CCNB3: variants seen among roughly 807,000 people sequenced by gnomAD.
CCNB3 encodes the protein cyclin B3.
CCNB3 carries 12 observed loss-of-function variants against 68.0 expected under a neutral mutation model. The ratio of observed to expected loss-of-function variants is 0.18; its 90% CI spans 0.11 to 0.29. The LOEUF is 0.29. Ranked by LOEUF, CCNB3 falls within the 10% of genes least tolerant of loss-of-function variation. CCNB3 has a pLI of 1.00. For synonymous variants in CCNB3, 354 were observed against 388.9 expected (o/e 0.91, Z 1.06); for missense variants, 904 against 993.1 (o/e 0.91, Z 1.21).
intron 8 of CCNB3, among the ~76,000 whole-genome samples, chrX:50,324,451 TCTCA>T (rs1364271311): frequency 1.8e-5 from 2 of 112,353 alleles, no homozygotes; most frequent in African/African-American, 3.2e-5. Flanking sequence ...TGATTTCTTT[TCTCA>T]CTCATTGCGT....
At chrX:50,220,278 GC>G (rs1456824418) in intron 1 of CCNB3, among the ~76,000 whole-genome samples, 1 of 111,239 alleles carries the variant, frequency 9.0e-6, no homozygotes, top group African/African-American at 3.3e-5. Context: ...TTGCCTGATT[GC>G]CCTGGCCAGA....
intron 1 of CCNB3, among the ~76,000 whole-genome samples, chrX:50,280,165 T>G (rs1324906616): frequency 1.1e-5 from 1 of 91,953 alleles, no homozygotes; most frequent in Non-Finnish European, 2.0e-5. Context: ...TATATAAATA[T>G]ATATAGAATA....
intron 1 of CCNB3, among the ~76,000 whole-genome samples, chrX:50,213,948 T>C (rs1391210063): frequency 1.8e-5 from 2 of 111,797 alleles, no homozygotes; most frequent in Non-Finnish European, 3.8e-5. Context: ...GACGAACTTG[T>C]TCATATATAA....
intron 5 of CCNB3, among the ~76,000 whole-genome samples, chrX:50,298,980 C>A (rs375771616): frequency 9.0e-6 from 1 of 111,392 alleles, no homozygotes; most frequent in African/African-American, 3.3e-5. Flanking sequence ...GTGGTGATAT[C>A]CCCTTTGTCA....
chrX:50,312,726 T>C, intron 7 of CCNB3, 94 bp downstream of exon 7: 1 of 554,834 alleles, frequency 1.8e-6, no homozygotes, highest in Non-Finnish European at 3.0e-6. Flanking sequence ...GTGGTAATAA[T>C]GATGATAAAA....
intron 8 of CCNB3, among the ~76,000 whole-genome samples, chrX:50,319,239 G>T (rs1186046022): frequency 3.6e-5 from 4 of 111,148 alleles, no homozygotes; most frequent in African/African-American, 1.3e-4. Flanking sequence ...AGTTCAGATA[G>T]AATTGGCGCG....
chrX:50,217,428 A>T (rs1323548686), intron 1 of CCNB3, among the ~76,000 whole-genome samples: 1 of 108,633 alleles, frequency 9.2e-6, no homozygotes, highest in Admixed American at 9.9e-5. Context: ...GTCCGCCACC[A>T]CGTCCGGCTA....
At chrX:50,226,255 TA>T (rs1347241570) in intron 1 of CCNB3, among the ~76,000 whole-genome samples, 4 of 65,577 alleles carry the variant, frequency 6.1e-5, no homozygotes, top group Non-Finnish European at 7.5e-5. Context: ...AGAATATATA[TA>T]TTTATATATA....
intron 8 of CCNB3, among the ~76,000 whole-genome samples, chrX:50,322,641 T>C (rs1311621466): frequency 2.7e-5 from 3 of 111,653 alleles, no homozygotes; most frequent in South Asian, 7.5e-4. Flanking sequence ...AGGAAACCTA[T>C]AGAATGGGAG....
rs1313534050 is a variant in CCNB3, at chrX:50,226,969, A to C, written c.-113+22019A>C. ...AGAATATATATAGTATATATATAGAATATATATAGTATATATATAGAATAT... is the reference window on the plus strand; with the variant it reads ...AGAATATATATAGTATATATATAGACTATATATAGTATATATATAGAATAT... On this transcript the variant is annotated intron_variant, in intron 1 of 12. Coordinates refer to ENST00000376042, the MANE Select transcript of CCNB3 (RefSeq NM_033031.3). Among the ~76,000 whole-genome samples, 740 of 75,474 alleles carry C rather than the reference A, an allele frequency of 9.8e-3. 28 individuals carry two copies. The highest frequency in any genetic ancestry group is 0.043 in the African/African-American group (727 of 16,937). 65.5% of individuals were successfully genotyped at this position (75,474 alleles called of 115,157 possible).
intron 11 of CCNB3, among the ~76,000 whole-genome samples, chrX:50,348,033 A>G (rs1923491497): frequency 9.0e-6 from 1 of 111,469 alleles, no homozygotes; most frequent in Admixed American, 9.5e-5. Context: ...TACATACCAG[A>G]CTACTGTGAA....
intron 1 of CCNB3, among the ~76,000 whole-genome samples, chrX:50,228,799 TAG>T (rs1935991975): frequency 1.4e-5 from 1 of 73,965 alleles, no homozygotes; most frequent in Non-Finnish European, 2.4e-5. Context: ...ATATATAGAA[TAG>T]ATATATAGAA....
intron 11 of CCNB3, among the ~76,000 whole-genome samples, chrX:50,350,869 A>T (rs782367213): frequency 5.5e-5 from 6 of 108,823 alleles, no homozygotes; most frequent in Non-Finnish European, 9.6e-5. Context: ...ATAATTTAAA[A>T]TTTTTTTAAA....
At chrX:50,206,179 G>A (rs189121174) in intron 1 of CCNB3, among the ~76,000 whole-genome samples, 1 of 110,897 alleles carries the variant, frequency 9.0e-6, no homozygotes, top group Non-Finnish European at 1.9e-5. Context: ...GGAGACAGAG[G>A]TTGCAGTGAG....
intron 1 of CCNB3, among the ~76,000 whole-genome samples, chrX:50,228,221 C>T (rs1246882790): frequency 1.2e-5 from 1 of 85,101 alleles, no homozygotes; most frequent in Non-Finnish European, 2.1e-5. Context: ...ACATAGAATA[C>T]ATATAAATAC....
intron 1 of CCNB3, among the ~76,000 whole-genome samples, chrX:50,283,451 A>C (rs1456785650): frequency 9.0e-6 from 1 of 111,630 alleles, no homozygotes; most frequent in East Asian, 2.8e-4. Context: ...TGTTGTGAGA[A>C]TCAACTGAGG....
At chrX:50,205,691 C>G (rs1439436109) in intron 1 of CCNB3, among the ~76,000 whole-genome samples, 1 of 110,930 alleles carries the variant, frequency 9.0e-6, no homozygotes, top group Non-Finnish European at 1.9e-5. Context: ...CGCAGTGGCT[C>G]ACGCCTGTAA....
chrX:50,323,303 G>A (rs782511248), intron 8 of CCNB3, among the ~76,000 whole-genome samples: 3 of 109,894 alleles, frequency 2.7e-5, no homozygotes, highest in Non-Finnish European at 3.8e-5. Flanking sequence ...ATCGTTCTCA[G>A]CAAACTATCG....
chrX:50,341,125 C>T (rs1923103314), intron 8 of CCNB3, among the ~76,000 whole-genome samples: 1 of 109,838 alleles, frequency 9.1e-6, no homozygotes, highest in Admixed American at 9.7e-5. Flanking sequence ...GTCAGGAGAT[C>T]GAGACCATCC....
Sources: gnomAD v4.1 joint callset for allele counts (sites outside exome capture counted in the v4.1 genomes callset) on GRCh38, gnomAD v4.1.1 for gene constraint, MANE v1.5 for transcripts, NCBI Gene and HGNC (gene_info 2026-07-23, HGNC 2026-07-21) for gene names.